GHR: variants seen among roughly 807,000 people sequenced by gnomAD.
The protein encoded by GHR is growth hormone receptor, also known as GH receptor.
In GHR, 35 loss-of-function variants were observed where a neutral mutation model predicts 67.1. That is an observed-to-expected ratio of 0.52 (90% CI 0.40 to 0.69). The LOEUF (loss-of-function observed/expected upper bound fraction) is 0.69. Among genes scored for constraint, GHR ranks in the 30% least tolerant of loss-of-function variants. The probability of loss-of-function intolerance (pLI) is 0.00; values close to 1 mark genes in which losing one functional copy is unlikely to be tolerated. For synonymous variants in GHR, 272 were observed against 269.1 expected (o/e 1.01, Z -0.10); for missense variants, 792 against 764.6 (o/e 1.04, Z -0.42).
At chr5:42,575,427 G>C (rs1679026177) in intron 2 of GHR, among the ~76,000 whole-genome samples, 1 of 152,124 alleles carries the variant, frequency 6.6e-6, no homozygotes, top group African/African-American at 2.4e-5. Context: ...GGTCCAGGGA[G>C]AAAGCGATAG....
intron 3 of GHR, among the ~76,000 whole-genome samples, chr5:42,655,036 A>T (rs1220363703): frequency 3.3e-5 from 5 of 152,020 alleles, no homozygotes; most frequent in Non-Finnish European, 7.4e-5. Flanking sequence ...CTCCAGCCCC[A>T]AGTCAACCTC....
chr5:42,580,509 C>G (rs1320670424), intron 2 of GHR, among the ~76,000 whole-genome samples: 3 of 152,120 alleles, frequency 2.0e-5, no homozygotes, highest in African/African-American at 7.2e-5. Context: ...TTATATGAGT[C>G]TCCTAGGTTC....
At chr5:42,594,089 G>A (rs1363847536) in intron 2 of GHR, among the ~76,000 whole-genome samples, 3 of 152,004 alleles carry the variant, frequency 2.0e-5, no homozygotes, top group East Asian at 1.9e-4. Flanking sequence ...GGCTCTCCAC[G>A]AATTTTGTCA....
intron 2 of GHR, among the ~76,000 whole-genome samples, chr5:42,577,676 C>T (rs1287817137): frequency 6.6e-6 from 1 of 152,184 alleles, no homozygotes; most frequent in Non-Finnish European, 1.5e-5. Flanking sequence ...TATTAACAAA[C>T]AGCTGAACTT....
chr5:42,568,622 G>A (rs748843876), intron 2 of GHR, among the ~76,000 whole-genome samples: 2 of 152,162 alleles, frequency 1.3e-5, no homozygotes, highest in Admixed American at 6.5e-5. Flanking sequence ...ATTTCAATCA[G>A]TCTACCCTTG....
At chr5:42,670,559 A>G (rs1446517131) in intron 3 of GHR, among the ~76,000 whole-genome samples, 1 of 152,220 alleles carries the variant, frequency 6.6e-6, no homozygotes, top group East Asian at 1.9e-4. Flanking sequence ...ACAGCAGATG[A>G]AGCAACAAAT....
chr5:42,614,630 T>C (rs1753054974), intron 2 of GHR, among the ~76,000 whole-genome samples: 1 of 134,146 alleles, frequency 7.5e-6, no homozygotes, highest in African/African-American at 2.8e-5. Context: ...TAGGTTACAA[T>C]TCCAAGGAAA....
chr5:42,552,882 G>T (rs1006672095), intron 1 of GHR, among the ~76,000 whole-genome samples: 3 of 152,136 alleles, frequency 2.0e-5, no homozygotes, highest in Non-Finnish European at 4.4e-5. Flanking sequence ...CAGGTAGTTG[G>T]AAGAGACAAA....
intron 8 of GHR, among the ~76,000 whole-genome samples, chr5:42,714,512 T>C (rs1039647165): frequency 6.6e-6 from 1 of 152,218 alleles, no homozygotes; most frequent in African/African-American, 2.4e-5. Flanking sequence ...CAAAACAGAA[T>C]TTTGTTAGGA....
At chr5:42,467,807 G>C in intron 1 of GHR, 1 of 1,410,714 alleles carries the variant, frequency 7.1e-7, no homozygotes, top group Non-Finnish European at 9.8e-7. Context: ...CAATGTAAAA[G>C]ACTTTCGCCC....
At chr5:42,584,646 T>C (rs964261636) in intron 2 of GHR, among the ~76,000 whole-genome samples, 1 of 152,056 alleles carries the variant, frequency 6.6e-6, no homozygotes, top group African/African-American at 2.4e-5. Context: ...TGGTAAGTGA[T>C]GTGTTATAAA....
At chr5:42,699,662 T>C (rs1757836935) in intron 5 of GHR, among the ~76,000 whole-genome samples, 162 bp from the exon 6 acceptor site, 1 of 152,200 alleles carries the variant, frequency 6.6e-6, no homozygotes, top group African/African-American at 2.4e-5. Flanking sequence ...AAAAAAAAGT[T>C]ACTCTCTTAT....
intron 2 of GHR, among the ~76,000 whole-genome samples, chr5:42,588,172 A>C (rs1484508354): frequency 1.3e-5 from 2 of 152,174 alleles, no homozygotes; most frequent in Non-Finnish European, 2.9e-5. Flanking sequence ...AGAGGCTTCC[A>C]TGATTGTATT....
rs539150561 is a variant in GHR, at chr5:42,559,594, T to C, written c.-11-6270T>C. On this transcript the variant is annotated intron_variant, in intron 1 of 9. Transcript: ENST00000230882. ...TAATATAACAAATAAATAAATAAAA[T>C]TGGAGGCCTACTATATATACAACTC... Among the ~76,000 whole-genome samples the C allele has an allele frequency of 9.9e-5, 15 of 152,140 alleles. No individual in the cohort carries two copies. The East Asian group carries it at 1.5e-3, about 16-fold the overall frequency.
chr5:42,465,706 A>T, intron 1 of GHR: 2 of 882,274 alleles, frequency 2.3e-6, no homozygotes, highest in Non-Finnish European at 3.9e-6. Context: ...AATGTGAAAA[A>T]AAAGATCTAT....
Position 42,612,381 on chromosome 5 carries a change from A to G in GHR, c.71-16657A>G, listed in dbSNP as rs75599874. ...TGTATTAAAATCCATTATTATATGC[A>G]TAATTAAGTTTTAGGAAGAAAATCT... is the stretch of plus-strand genomic sequence containing the variant. On this transcript the variant is annotated intron_variant, in intron 2 of 9. Coordinates refer to ENST00000230882, the MANE Select transcript of GHR (RefSeq NM_000163.5). Among the ~76,000 whole-genome samples, 25 of 152,260 alleles carry G rather than the reference A, an allele frequency of 1.6e-4. 1 individual carries two copies. In the East Asian group the frequency reaches 3.5e-3, roughly 21 times the overall value.
chr5:42,632,977 G>A (rs976484947), intron 3 of GHR, among the ~76,000 whole-genome samples: 1 of 152,186 alleles, frequency 6.6e-6, no homozygotes, highest in African/African-American at 2.4e-5. Flanking sequence ...CTCAACTAGG[G>A]TGCTGTGGTT....
At chr5:42,441,563 G>C (rs1018169467) in intron 1 of GHR, among the ~76,000 whole-genome samples, 5 of 151,936 alleles carry the variant, frequency 3.3e-5, no homozygotes, top group Admixed American at 3.3e-4. Context: ...AGGCTGGAGT[G>C]CAGTGGCACG....
intron 2 of GHR, among the ~76,000 whole-genome samples, chr5:42,601,712 T>G (rs1026591962): frequency 1.3e-5 from 2 of 152,078 alleles, no homozygotes; most frequent in African/African-American, 2.4e-5. Context: ...AATTTTATGT[T>G]TATATTAAAA....
Sources: gnomAD v4.1 joint callset for allele counts (sites outside exome capture counted in the v4.1 genomes callset) on GRCh38, gnomAD v4.1.1 for gene constraint, MANE v1.5 for transcripts, NCBI Gene and HGNC (gene_info 2026-07-23, HGNC 2026-07-21) for gene names.